The following DLGAP2 variants were observed in gnomAD, a reference collection of about 807,000 sequenced individuals.
DLGAP2 encodes DLG associated protein 2.
DLGAP2 carries 26 observed loss-of-function variants against 100.3 expected under a neutral mutation model. The ratio of observed to expected loss-of-function variants is 0.26; its 90% CI spans 0.19 to 0.36. The LOEUF (loss-of-function observed/expected upper bound fraction) is 0.36. DLGAP2 is among the 10% of genes least tolerant of loss of function. The pLI is 1.00. For synonymous variants in DLGAP2, 886 were observed against 630.1 expected (o/e 1.41, Z -6.08); for missense variants, 1,858 against 1,453.2 (o/e 1.28, Z -4.53).
At chr8:745,139 G>T (rs919196341) in intron 1 of DLGAP2, among the ~76,000 whole-genome samples, 13 of 152,214 alleles carry the variant, frequency 8.5e-5, no homozygotes, top group Non-Finnish European at 1.8e-4. Context: ...CACAGCGGCA[G>T]GTTCTTTACC....
At chr8:1,178,458 C>T (rs1262247662) in intron 2 of DLGAP2, among the ~76,000 whole-genome samples, 1 of 152,116 alleles carries the variant, frequency 6.6e-6, no homozygotes, top group Admixed American at 6.5e-5. Context: ...CCTGCTTCTG[C>T]TATAATAATA....
intron 1 of DLGAP2, among the ~76,000 whole-genome samples, chr8:748,725 A>C (rs1017881023): frequency 2.6e-5 from 4 of 152,200 alleles, no homozygotes; most frequent in African/African-American, 9.6e-5. Flanking sequence ...GCCCATCAGC[A>C]CCTGCCCGCT....
chr8:1,676,348 G>A (rs1373657802), intron 10 of DLGAP2, among the ~76,000 whole-genome samples, 185 bp from the exon 11 acceptor site: 3 of 152,192 alleles, frequency 2.0e-5, no homozygotes, highest in Admixed American at 1.3e-4. Flanking sequence ...ATGAGACGCA[G>A]GAGTGATGTA....
intron 10 of DLGAP2, among the ~76,000 whole-genome samples, chr8:1,671,105 G>A (rs530468773): frequency 7.9e-5 from 12 of 152,372 alleles, no homozygotes; most frequent in Admixed American, 5.9e-4. Context: ...GGGAGGGTCA[G>A]TGACTTGCCT....
chr8:1,561,230 CAGTT>C (rs1802147108), intron 5 of DLGAP2, among the ~76,000 whole-genome samples: 1 of 134,964 alleles, frequency 7.4e-6, no homozygotes, highest in Non-Finnish European at 1.6e-5. Context: ...GGAACTGAGT[CAGTT>C]AAACCTCTTT....
intron 6 of DLGAP2, among the ~76,000 whole-genome samples, chr8:1,585,033 ACTTATTCTT>A (rs1796072664): frequency 2.0e-5 from 2 of 99,308 alleles, no homozygotes; most frequent in South Asian, 5.5e-4. Context: ...TTTGTGCTTT[ACTTATTCTT>A]TTCTGTTATT....
chr8:1,620,672 A>C (rs923518524), intron 6 of DLGAP2: 2 of 151,952 alleles, frequency 1.3e-5, no homozygotes, highest in Admixed American at 6.6e-5. Flanking sequence ...CCTAAAATCC[A>C]AGCCCTTTGG....
chr8:1,256,650 G>C (rs1799228335), intron 2 of DLGAP2, among the ~76,000 whole-genome samples: 1 of 149,926 alleles, frequency 6.7e-6, no homozygotes, highest in Non-Finnish European at 1.5e-5. Context: ...CCTGCAATCA[G>C]ATGCCCGCGT....
In DLGAP2 at chr8:1,678,531, C is replaced by T. The variant is rs1268504679; in HGVS notation, c.2606C>T (p.Ser869Leu). ...GRMSPCRRDG[S>L]WFLKLLHAET... ...ATGTCTCCGTGCCGCAGGGATGGCT[C>T]GTGGTTTTTGAAGCTGCTGCACGCA... The change falls in exon 12 of 15, where the codon TCG becomes TTG. Residue 869 changes from serine (S) to leucine (L), a missense_variant. Transcript: ENST00000637795. 2.7e-5 allele frequency: 44 copies of T among 1,601,796 alleles called. No individual in the cohort carries two copies. The highest frequency in any genetic ancestry group is 3.3e-5 in the Non-Finnish European group (39 of 1,174,486).
At chr8:1,185,191 T>A (rs1797473495) in intron 2 of DLGAP2, among the ~76,000 whole-genome samples, 1 of 152,150 alleles carries the variant, frequency 6.6e-6, no homozygotes, top group Admixed American at 6.5e-5. Context: ...TTATTCCATT[T>A]GTTCCTCTCC....
chr8:1,327,658 C>T (rs934697414), intron 3 of DLGAP2, among the ~76,000 whole-genome samples: 4 of 152,092 alleles, frequency 2.6e-5, no homozygotes, highest in African/African-American at 7.2e-5. Context: ...TCCTGACTAA[C>T]ACCATGAAAC....
chr8:1,230,306 C>G (rs959679166), intron 2 of DLGAP2, among the ~76,000 whole-genome samples: 1 of 151,680 alleles, frequency 6.6e-6, no homozygotes, highest in African/African-American at 2.4e-5. Context: ...ACATCTAACT[C>G]GAAGTGAAAG....
intron 1 of DLGAP2, among the ~76,000 whole-genome samples, chr8:839,397 C>A (rs1796940500): frequency 6.6e-6 from 1 of 152,172 alleles, no homozygotes; most frequent in African/African-American, 2.4e-5. Context: ...TACTATTGAG[C>A]CTTTAAAAAG....
intron 3 of DLGAP2, among the ~76,000 whole-genome samples, chr8:1,267,093 G>C (rs1012477310): frequency 3.3e-5 from 5 of 151,848 alleles, no homozygotes; most frequent in Non-Finnish European, 7.4e-5. Flanking sequence ...TTAGCCAGGC[G>C]TGGGGGTGGG....
intron 2 of DLGAP2, among the ~76,000 whole-genome samples, chr8:930,408 G>C (rs1426312253): frequency 6.6e-6 from 1 of 152,194 alleles, no homozygotes. Context: ...CTGTGCTGGG[G>C]TGCACACCAG....
intron 2 of DLGAP2, among the ~76,000 whole-genome samples, chr8:1,053,316 T>C (rs2701906): frequency 0.43 from 65,763 of 151,798 alleles, 14,569 homozygotes; most frequent in African/African-American, 0.52. Flanking sequence ...CTTCATAAGA[T>C]GGTTATAAAG....
intron 1 of DLGAP2, among the ~76,000 whole-genome samples, chr8:843,845 G>A (rs910849078): frequency 3.9e-5 from 6 of 152,140 alleles, no homozygotes; most frequent in African/African-American, 9.7e-5. Flanking sequence ...ATTTCTTCAC[G>A]GGTATTAAGT....
chr8:1,314,734 C>T (rs756458060), intron 3 of DLGAP2, among the ~76,000 whole-genome samples: 8 of 152,236 alleles, frequency 5.3e-5, no homozygotes, highest in Non-Finnish European at 1.0e-4. Flanking sequence ...AGGTCGAGGA[C>T]TTTCGGGGGT....
intron 2 of DLGAP2, among the ~76,000 whole-genome samples, chr8:1,156,610 C>CCCAGCCCAGTGCT (rs1563220001): frequency 1.1e-4 from 3 of 27,356 alleles, no homozygotes; most frequent in Middle Eastern, 0.023. Flanking sequence ...AGCCTAGCGT[C>CCCAGCCCAGTGCT]CCAGCCCAGC....
Sources: allele counts gnomAD v4.1 joint callset (sites outside exome capture counted in the v4.1 genomes callset), GRCh38; gene constraint gnomAD v4.1.1; transcripts MANE v1.5; gene names NCBI Gene and HGNC (gene_info 2026-07-23, HGNC 2026-07-21).